The following ANKRD30B variants were observed in gnomAD, a reference collection of about 807,000 sequenced individuals.
The protein encoded by ANKRD30B is ankyrin repeat domain 30B, also known as ankyrin repeat domain-containing protein 30B.
In ANKRD30B, 144 loss-of-function variants were observed where a neutral mutation model predicts 202.2. That is an observed-to-expected ratio of 0.71 (90% CI 0.62 to 0.82). The LOEUF is 0.82. Among genes scored for constraint, ANKRD30B ranks in the 40% least tolerant of loss-of-function variants. The pLI is 0.00. For missense variants in ANKRD30B, 1,487 were observed against 1,669.1 expected (o/e 0.89, Z 1.90); for synonymous variants, 508 against 561.3 (o/e 0.91, Z 1.34).
At chr18:14,817,089 A>G (rs960338547) in intron 30 of ANKRD30B, 1 of 152,128 alleles carries the variant, frequency 6.6e-6, no homozygotes, top group African/African-American at 2.4e-5. Context: ...AATAAAGAAA[A>G]CATTTCTGAC....
Position 14,854,505 on chromosome 18 carries a change from C to T in ANKRD30B, c.*347C>T, listed in dbSNP as rs1204520183. On this transcript the variant is annotated 3_prime_UTR_variant, in exon 44 of 44. Coordinates refer to ENST00000690538, the MANE Select transcript of ANKRD30B (RefSeq NM_001367607.2). ...GAATCCTTATCATGAATCCCTGACA[C>T]GTTCAGTGTTTTCAGTTATTTTTCT... is the stretch of plus-strand genomic sequence containing the variant. 5.3e-5 allele frequency among the ~76,000 whole-genome samples: 8 copies of T among 152,088 alleles called. No homozygotes were observed. Among genetic ancestry groups the T allele is most frequent in the Non-Finnish European group, 8.8e-5 (6 of 68,032 alleles).
rs1209587925 is a variant in ANKRD30B, at chr18:14,766,493, AAAAAG to A, written c.1225+2428_1225+2432del. On this transcript the variant is annotated intron_variant, in intron 7 of 43. Coordinates refer to ENST00000690538, the MANE Select transcript of ANKRD30B (RefSeq NM_001367607.2). ...ATCTCAAAAAAAAAAAAAAAAAAAA[AAAAAG>A]AAAAGAAAAGAAAAGAAAAGAAAAT... 2.6e-3 allele frequency among the ~76,000 whole-genome samples: 222 copies of A among 85,038 alleles called. 1 individual carries two copies. Among genetic ancestry groups the A allele is most frequent in the African/African-American group, 8.0e-3 (207 of 25,974 alleles). 55.8% of individuals were successfully genotyped at this position (85,038 alleles called of 152,430 possible).
At chr18:14,819,293 T>G (rs1379757880) in intron 30 of ANKRD30B, among the ~76,000 whole-genome samples, 6 of 151,620 alleles carry the variant, frequency 4.0e-5, no homozygotes, top group Non-Finnish European at 5.9e-5. Context: ...TTGCGAAAAT[T>G]TTCTCCCATT....
chr18:14,767,733 G>A (rs781356923), intron 7 of ANKRD30B, among the ~76,000 whole-genome samples: 2 of 152,012 alleles, frequency 1.3e-5, no homozygotes, highest in Admixed American at 6.6e-5. Flanking sequence ...CATATGCAAA[G>A]GAATGATTCA....
Position 14,748,376 on chromosome 18 carries a change from GGCGA to G in ANKRD30B, c.-40_-37del. The G allele has an allele frequency of 7.1e-7, 1 of 1,413,248 alleles. No individual in the cohort carries two copies. The highest frequency in any genetic ancestry group is 1.5e-5 in the South Asian group (1 of 64,972). The allele number at this position is 1,413,248 out of a possible 1,614,324, so 87.5% of individuals were successfully genotyped here. ...GGGCGAGGGGTAGGGGCTGGGGAAG[GGCGA>G]GCGGGAGGCGCGGGCTCTCTCTAGC... On this transcript the variant is annotated 5_prime_UTR_variant, in exon 1 of 44. Transcript: ENST00000690538.
At chr18:14,807,543 T>C (rs972242394) in intron 24 of ANKRD30B, among the ~76,000 whole-genome samples, 1 of 147,884 alleles carries the variant, frequency 6.8e-6, no homozygotes, top group African/African-American at 2.5e-5. Flanking sequence ...GTGTTTTTTC[T>C]TTTGTTGAGA....
At chr18:14,815,610 T>TA (rs1322513681) in intron 30 of ANKRD30B, among the ~76,000 whole-genome samples, 1 of 152,178 alleles carries the variant, frequency 6.6e-6, no homozygotes. Flanking sequence ...GAGAAAGCGT[T>TA]ATGTTGCTCT....
Position 14,763,778 on chromosome 18 carries a change from G to T in ANKRD30B, c.913G>T (p.Glu305Ter). Residue 305 changes from glutamate to a stop codon, truncating the protein, a stop_gained, in exon 7 of 44, where the codon GAG becomes TAG. Coordinates refer to ENST00000690538, the MANE Select transcript of ANKRD30B (RefSeq NM_001367607.2). LOFTEE classifies it high-confidence loss of function. ...AESLLEKTPD[E>*]AARLVEGTSA... is the part of the protein sequence containing the mutation. ...AAGCTTGCTGGAAAAAACACCTGAC[G>T]AGGCTGCACGCTTGGTGGAGGGAAC... 1 of 1,614,048 alleles carries T rather than the reference G, an allele frequency of 6.2e-7. No individual in the cohort carries two copies. The highest frequency in any genetic ancestry group is 1.6e-4 in the Middle Eastern group (1 of 6,062).
chr18:14,846,231 C>T (rs2143225315), intron 39 of ANKRD30B, among the ~76,000 whole-genome samples: 1 of 152,122 alleles, frequency 6.6e-6, no homozygotes, highest in East Asian at 1.9e-4. Context: ...GTTCAAAATA[C>T]TTTCTAATTT....
chr18:14,782,169 G>T (rs1274501382), intron 11 of ANKRD30B, among the ~76,000 whole-genome samples: 2 of 152,160 alleles, frequency 1.3e-5, no homozygotes, highest in Non-Finnish European at 2.9e-5. Flanking sequence ...CAGGTAGCAA[G>T]TGTATTGTAT....
intron 9 of ANKRD30B, among the ~76,000 whole-genome samples, chr18:14,776,233 G>T (rs1293566651): frequency 1.3e-5 from 2 of 152,178 alleles, no homozygotes; most frequent in Non-Finnish European, 2.9e-5. Flanking sequence ...TACCAACTGT[G>T]TGCTAGGCAG....
chr18:14,881,191 T>C, the ANKRD30B span, among the ~76,000 whole-genome samples: 1 of 152,338 alleles, frequency 6.6e-6, no homozygotes, highest in Admixed American at 6.5e-5. Context: ...TTTCACCTTT[T>C]CCCCATTCAG....
At chr18:14,837,079 A>G in intron 34 of ANKRD30B, 132 bp from the exon 35 acceptor site, 4 of 594,268 alleles carry the variant, frequency 6.7e-6, no homozygotes, top group South Asian at 2.5e-5. Context: ...CTATGATTTG[A>G]CAGATACAAA....
At chr18:14,825,904 A>G (rs1250245580) in intron 32 of ANKRD30B, among the ~76,000 whole-genome samples, 1 of 152,164 alleles carries the variant, frequency 6.6e-6, no homozygotes, top group Admixed American at 6.5e-5. Flanking sequence ...CAGGTCATTC[A>G]TAAGTTTCCA....
At position 14,797,704 on chromosome 18, in the gene ANKRD30B, G is replaced by A. The variant is rs1452900991; in HGVS notation, c.1956+15G>A. The A allele has an allele frequency of 3.7e-6, 6 of 1,609,116 alleles. No individual in the cohort carries two copies. The highest frequency in any genetic ancestry group is 5.1e-6 in the Non-Finnish European group (6 of 1,176,032). On this transcript the variant is annotated intron_variant, in intron 19 of 43. Coordinates refer to ENST00000690538, the MANE Select transcript of ANKRD30B (RefSeq NM_001367607.2). ...GTCTTCTGAAGGTAATAGCTTTTAT[G>A]TCTCTATCTTGAATATTAACTACAT...
chr18:14,938,972 G>A, the ANKRD30B span, among the ~76,000 whole-genome samples: 1 of 152,176 alleles, frequency 6.6e-6, no homozygotes, highest in Non-Finnish European at 1.5e-5. Flanking sequence ...AGAGGCAGGA[G>A]GAAAGATAAA....
Position 14,803,625 on chromosome 18 carries a change from G to A in ANKRD30B, c.2194-109G>A, listed in dbSNP as rs45600534. On this transcript the variant is annotated intron_variant, in intron 23 of 43. Transcript: ENST00000690538. ...TGTCTGCTCTTAAGTCGAATTCCTTGTAAAGTAGGAAACTGTGTTTTTAGA... is the reference window on the plus strand; with the variant it reads ...TGTCTGCTCTTAAGTCGAATTCCTTATAAAGTAGGAAACTGTGTTTTTAGA... The A allele has an allele frequency of 1.3e-3, 1,817 of 1,367,394 alleles. 8 individuals are homozygous for A. The highest frequency in any genetic ancestry group is 2.0e-3 in the African/African-American group (136 of 68,518). 84.7% of individuals were successfully genotyped at this position (1,367,394 alleles called of 1,614,324 possible). A position where few individuals can be genotyped will look rare whatever the true frequency, so the allele number is the denominator to read the frequency against.
chr18:14,797,523 C>A, intron 18 of ANKRD30B, 138 bp from the exon 19 acceptor site: 1 of 981,330 alleles, frequency 1.0e-6, no homozygotes, highest in South Asian at 1.3e-5. Context: ...ATACAATAAC[C>A]CAAAGGACCC....
chr18:14,880,713 G>GCAC, the ANKRD30B span, among the ~76,000 whole-genome samples: 4 of 151,928 alleles, frequency 2.6e-5, no homozygotes, highest in African/African-American at 9.7e-5. Context: ...TTATAGGCAT[G>GCAC]CACCACCGTG....
Sources: gnomAD v4.1 joint callset for allele counts (sites outside exome capture counted in the v4.1 genomes callset) on GRCh38, gnomAD v4.1.1 for gene constraint, MANE v1.5 for transcripts, NCBI Gene and HGNC (gene_info 2026-07-23, HGNC 2026-07-21) for gene names.